The following DPP8 variants were observed in gnomAD, a reference collection of about 807,000 sequenced individuals.
DPP8 encodes dipeptidyl peptidase 8, also known as DPP VIII.
A neutral mutation model predicts 107.5 loss-of-function variants in DPP8; 31 were observed. That is an observed-to-expected ratio of 0.29 (90% CI 0.22 to 0.39). The LOEUF is 0.39. Among genes scored for constraint, DPP8 ranks in the 10% least tolerant of loss-of-function variants. The pLI is 1.00. For missense variants in DPP8, 842 were observed against 1,076.1 expected (o/e 0.78, Z 3.04); for synonymous variants, 381 against 356.6 (o/e 1.07, Z -0.77).
At chr15:65,484,581 CCTCT>C (rs201151922) in intron 8 of DPP8, among the ~76,000 whole-genome samples, 1 of 150,606 alleles carries the variant, frequency 6.6e-6, no homozygotes, top group African/African-American at 2.4e-5. Flanking sequence ...GACTCGGGAG[CCTCT>C]CTCTCTCTGC....
At chr15:65,489,127 A>AT (rs1278562767) in intron 6 of DPP8, among the ~76,000 whole-genome samples, 3 of 151,716 alleles carry the variant, frequency 2.0e-5, no homozygotes, top group African/African-American at 7.3e-5. Context: ...CACCCAGCTA[A>AT]TTTTTTGTAT....
intron 11 of DPP8, 74 bp downstream of exon 11, chr15:65,478,806 G>C: frequency 9.5e-7 from 1 of 1,050,738 alleles, no homozygotes; most frequent in Non-Finnish European, 1.4e-6. Flanking sequence ...GCATGCAAAA[G>C]ATACATTCCC....
In DPP8 at chr15:65,446,817, T is replaced by C. The variant is rs2063516108; in HGVS notation, c.*67A>G. The stretch of plus-strand genomic sequence containing the variant: ...ATGTGATGATCAATTCTGTGTTTTC[T>C]GTTGATTAAACCTCCTCATTTGGTT... On this transcript the variant is annotated 3_prime_UTR_variant, in exon 20 of 20. Coordinates refer to ENST00000300141, the MANE Select transcript of DPP8 (RefSeq NM_130434.5). 2 of 1,464,780 alleles carry C rather than the reference T, an allele frequency of 1.4e-6. No homozygotes were observed. Among genetic ancestry groups the C allele is most frequent in the Admixed American group, 4.5e-5 (2 of 43,990 alleles). The allele number at this position is 1,464,780 out of a possible 1,614,324, so 90.7% of individuals were successfully genotyped here.
chr15:65,511,639 C>A (rs374817653), intron 2 of DPP8, among the ~76,000 whole-genome samples: 3,278 of 110,066 alleles, frequency 0.03, no homozygotes, highest in South Asian at 0.038. Context: ...GACCCTGTCT[C>A]AAAAAAAAAA....
Position 65,443,515 on chromosome 15 carries a change from G to A in DPP8, c.*3369C>T, listed in dbSNP as rs1465934719. On this transcript the variant is annotated 3_prime_UTR_variant, in exon 20 of 20. Transcript: ENST00000300141. ...TAGTAAAAAAAAAAAAGTAAGCATC[G>A]GTATCAATATCGCATTCTTTTAAAA... is the stretch of plus-strand genomic sequence containing the variant. 1 of 151,480 alleles carries A rather than the reference G, an allele frequency of 6.6e-6. No homozygotes were observed. The highest frequency in any genetic ancestry group is 1.5e-5 in the Non-Finnish European group (1 of 67,952). The allele number at this position is 151,480 out of a possible 1,614,324, so 9.4% of individuals were successfully genotyped here.
chr15:65,449,425 T>C (rs906127983), intron 19 of DPP8, among the ~76,000 whole-genome samples: 1 of 151,724 alleles, frequency 6.6e-6, no homozygotes, highest in Non-Finnish European at 1.5e-5. Flanking sequence ...ATTTCCTTTT[T>C]TTTAAGACAG....
chr15:65,513,881 G>A (rs1748797212), intron 1 of DPP8, among the ~76,000 whole-genome samples: 1 of 152,106 alleles, frequency 6.6e-6, no homozygotes, highest in Non-Finnish European at 1.5e-5. Context: ...TCATGACACT[G>A]CCAAAAAGAA....
intron 5 of DPP8, among the ~76,000 whole-genome samples, chr15:65,491,642 G>A (rs1183645790): frequency 2.0e-5 from 3 of 152,180 alleles, no homozygotes; most frequent in African/African-American, 7.2e-5. Context: ...GCTGTTTACT[G>A]CTGAGTTGTA....
chr15:65,485,269 T>A lies in DPP8; in HGVS notation c.956-109A>T, dbSNP rs373803174. 2.3e-4 allele frequency: 186 copies of A among 815,942 alleles called. No homozygotes were observed. In the African/African-American group the frequency reaches 2.9e-3, roughly 13 times the overall value. 50.5% of individuals were successfully genotyped at this position (815,942 alleles called of 1,614,324 possible). ...AGTTAAGAATAACGTATAGGTCGGG[T>A]GCAGTGGCTCACGCCTGTAATCCCA... On this transcript the variant is annotated intron_variant, in intron 7 of 19. Coordinates refer to ENST00000300141, the MANE Select transcript of DPP8 (RefSeq NM_130434.5).
chr15:65,461,400 G>A (rs2064909223), intron 15 of DPP8, among the ~76,000 whole-genome samples: 1 of 151,920 alleles, frequency 6.6e-6, no homozygotes, highest in Admixed American at 6.6e-5. Context: ...CTCCCAAATT[G>A]CTGAGATTAC....
At chr15:65,485,203 TACTCA>T in intron 7 of DPP8, 43 bp from the exon 8 acceptor site, 2 of 1,449,742 alleles carry the variant, frequency 1.4e-6, no homozygotes, top group Non-Finnish European at 9.7e-7. Context: ...TATCCAAAAT[TACTCA>T]AATTAATTTT....
intron 14 of DPP8, among the ~76,000 whole-genome samples, chr15:65,465,330 G>C (rs2065254865): frequency 6.6e-6 from 1 of 151,208 alleles, no homozygotes; most frequent in African/African-American, 2.4e-5. Flanking sequence ...ACCACGTCTG[G>C]CTAGTTTTTG....
intron 19 of DPP8, 89 bp from the exon 20 acceptor site, chr15:65,447,095 G>T: frequency 9.8e-7 from 1 of 1,017,964 alleles, no homozygotes; most frequent in Non-Finnish European, 1.4e-6. Flanking sequence ...TTTTTAACAG[G>T]ATTAATAATA....
At chr15:65,491,376 T>C (rs2068016127) in intron 5 of DPP8, among the ~76,000 whole-genome samples, 2 of 152,180 alleles carry the variant, frequency 1.3e-5, no homozygotes, top group Admixed American at 6.6e-5. Flanking sequence ...TACAAATTCT[T>C]AAATGTACTG....
chr15:65,444,135 T>G lies in DPP8; in HGVS notation c.*2749A>C, dbSNP rs1317899367. On this transcript the variant is annotated 3_prime_UTR_variant, in exon 20 of 20. Transcript: ENST00000300141. Reference sequence around the variant, plus strand: ...GGTTTCACCATGTCGACCAAGCTGGTCTTGATCTCCTGACTTCAAGTGATT... The same window carrying G: ...GGTTTCACCATGTCGACCAAGCTGGGCTTGATCTCCTGACTTCAAGTGATT... 1 of 152,220 alleles carries G rather than the reference T, an allele frequency of 6.6e-6. No individual in the cohort carries two copies. The highest frequency in any genetic ancestry group is 1.5e-5 in the Non-Finnish European group (1 of 68,066). 9.4% of individuals were successfully genotyped at this position (152,220 alleles called of 1,614,324 possible).
chr15:65,451,874 C>T, intron 18 of DPP8, 86 bp downstream of exon 18: 1 of 1,349,212 alleles, frequency 7.4e-7, no homozygotes, highest in South Asian at 1.6e-5. Flanking sequence ...GCAGGGAGCC[C>T]TGATCATGCC....
intron 9 of DPP8, 105 bp from the exon 10 acceptor site, chr15:65,480,504 A>C (rs967415728): frequency 1.5e-6 from 1 of 682,632 alleles, no homozygotes; most frequent in Admixed American, 2.9e-5. Context: ...TGTAATCACC[A>C]TGAAAGAACT....
chr15:65,493,120 G>A (rs1476063492), intron 5 of DPP8, among the ~76,000 whole-genome samples: 1 of 151,058 alleles, frequency 6.6e-6, no homozygotes, highest in Non-Finnish European at 1.5e-5. Flanking sequence ...TTTTGCTCTT[G>A]TTGCCCAGGC....
At position 65,443,633 on chromosome 15, in the gene DPP8, A is replaced by C. The variant is rs2063379615; in HGVS notation, c.*3251T>G. ...AGAGAAAAACTTTCATTCCAAAATT[A>C]ATCTCCAGACAAAGGGGATAGAAAC... On this transcript the variant is annotated 3_prime_UTR_variant, in exon 20 of 20. Coordinates refer to ENST00000300141, the MANE Select transcript of DPP8 (RefSeq NM_130434.5). The C allele has an allele frequency of 6.6e-6, 1 of 152,194 alleles. No homozygotes were observed. The highest frequency in any genetic ancestry group is 2.4e-5 in the African/African-American group (1 of 41,450). The allele number at this position is 152,194 out of a possible 1,614,324, so 9.4% of individuals were successfully genotyped here.
Sources: gnomAD v4.1 joint callset for allele counts (sites outside exome capture counted in the v4.1 genomes callset) on GRCh38, gnomAD v4.1.1 for gene constraint, MANE v1.5 for transcripts, NCBI Gene and HGNC (gene_info 2026-07-23, HGNC 2026-07-21) for gene names.